The following NRXN1 variants were observed in gnomAD, a reference collection of about 807,000 sequenced individuals.
NRXN1 encodes the protein neurexin 1, also known as neurexin-1.
In NRXN1, 39 loss-of-function variants were observed where a neutral mutation model predicts 150.9. The ratio of observed to expected loss-of-function variants is 0.26; its 90% confidence interval spans 0.20 to 0.34. NRXN1 has a LOEUF of 0.34. NRXN1 is among the 10% of genes least tolerant of loss of function. The pLI is 1.00. For missense variants in NRXN1, 1,815 were observed against 1,949.9 expected, an observed-to-expected ratio of 0.93 and a Z score of 1.30; for synonymous variants, 924 against 757.0, an observed-to-expected ratio of 1.22 and a Z score of -3.62.
intron 5 of NRXN1, among the ~76,000 whole-genome samples, chr2:50,638,764 T>C (rs1010220691): frequency 6.6e-6 from 1 of 152,192 alleles, no homozygotes; most frequent in Non-Finnish European, 1.5e-5. Context: ...AAATATTTGA[T>C]ATATTTTATA....
At chr2:50,688,690 TTTG>T (rs949105703) in intron 5 of NRXN1, among the ~76,000 whole-genome samples, 4 of 152,268 alleles carry the variant, frequency 2.6e-5, no homozygotes, top group South Asian at 2.1e-4. Context: ...ATGGGCATTT[TTTG>T]TTGTTGTTTT....
At chr2:50,664,952 C>G (rs1352860562) in intron 5 of NRXN1, among the ~76,000 whole-genome samples, 1 of 151,912 alleles carries the variant, frequency 6.6e-6, no homozygotes, top group Non-Finnish European at 1.5e-5. Context: ...GGTTCTTTCA[C>G]ATGTATGCTT....
At chr2:50,757,615 T>C (rs1343572181) in intron 5 of NRXN1, among the ~76,000 whole-genome samples, 1 of 151,712 alleles carries the variant, frequency 6.6e-6, no homozygotes, top group African/African-American at 2.4e-5. Flanking sequence ...AAGTTCTCAA[T>C]AAAATACCTT....
chr2:50,481,978 C>T lies in NRXN1; in HGVS notation c.3071-9507G>A, dbSNP rs375804351. ...AGAGACGGGGTTTCACCGTTTTAGC[C>T]GGGATGGTCTCGATCTCCTGACCTC... On this transcript the variant is annotated intron_variant, in intron 15 of 22. Transcript: ENST00000401669. 7.0e-4 allele frequency among the ~76,000 whole-genome samples: 96 copies of T among 137,584 alleles called. 2 individuals carry two copies. In the South Asian group the frequency reaches 0.019, roughly 27 times the overall value. 90.3% of individuals were successfully genotyped at this position (137,584 alleles called of 152,430 possible).
At chr2:50,995,669 A>G (rs537663106) in intron 2 of NRXN1, among the ~76,000 whole-genome samples, 4 of 151,096 alleles carry the variant, frequency 2.6e-5, no homozygotes, top group African/African-American at 7.3e-5. Context: ...TGAAGATGGG[A>G]CAATCTTGGA....
intron 18 of NRXN1, among the ~76,000 whole-genome samples, chr2:50,161,529 A>G (rs1305941860): frequency 2.0e-5 from 3 of 152,196 alleles, no homozygotes; most frequent in Non-Finnish European, 4.4e-5. Flanking sequence ...TGATCTTACT[A>G]ACAGCTAAAG....
intron 2 of NRXN1, among the ~76,000 whole-genome samples, chr2:50,969,787 T>C (rs1265051098): frequency 1.3e-5 from 2 of 152,264 alleles, no homozygotes; most frequent in African/African-American, 4.8e-5. Context: ...GAAGGTTTGC[T>C]GAAAAAAATC....
intron 8 of NRXN1, chr2:50,554,271 T>C (rs978807066): frequency 2.6e-5 from 4 of 152,228 alleles, no homozygotes; most frequent in African/African-American, 9.7e-5. Context: ...TGTATCTGAT[T>C]AGCGCTATGA....
intron 5 of NRXN1, among the ~76,000 whole-genome samples, chr2:50,876,399 T>C (rs996096134): frequency 6.6e-6 from 1 of 151,796 alleles, no homozygotes; most frequent in Admixed American, 6.6e-5. Flanking sequence ...AAAAACACAA[T>C]TATTTACAAC....
At chr2:50,865,525 T>C (rs1235599785) in intron 5 of NRXN1, among the ~76,000 whole-genome samples, 1 of 151,226 alleles carries the variant, frequency 6.6e-6, no homozygotes, top group Non-Finnish European at 1.5e-5. Context: ...CAGAGTGTAT[T>C]TACCCATTGG....
intron 21 of NRXN1, among the ~76,000 whole-genome samples, chr2:49,957,996 G>A (rs1675279822): frequency 6.6e-6 from 1 of 152,098 alleles, no homozygotes; most frequent in Non-Finnish European, 1.5e-5. Flanking sequence ...ATGTCTTACT[G>A]AAATTTTAAG....
At chr2:49,991,410 T>C (rs1253789719) in intron 21 of NRXN1, among the ~76,000 whole-genome samples, 3 of 152,086 alleles carry the variant, frequency 2.0e-5, no homozygotes, top group Non-Finnish European at 4.4e-5. Flanking sequence ...ATATAAAAGT[T>C]AATCTCTTTC....
At chr2:50,124,325 C>T (rs1271566051) in intron 18 of NRXN1, among the ~76,000 whole-genome samples, 2 of 152,080 alleles carry the variant, frequency 1.3e-5, no homozygotes, top group African/African-American at 4.8e-5. Context: ...CAGGACTTGT[C>T]TTAAGCAGGG....
At chr2:50,705,595 G>A (rs1007678633) in intron 5 of NRXN1, among the ~76,000 whole-genome samples, 1 of 152,152 alleles carries the variant, frequency 6.6e-6, no homozygotes, top group Non-Finnish European at 1.5e-5. Context: ...GACCAATGCA[G>A]TTGGATTATT....
At chr2:50,660,991 G>A (rs1315698052) in intron 5 of NRXN1, among the ~76,000 whole-genome samples, 1 of 152,014 alleles carries the variant, frequency 6.6e-6, no homozygotes, top group Non-Finnish European at 1.5e-5. Context: ...TGTGTAGTAT[G>A]AAATTGTAAG....
intron 17 of NRXN1, among the ~76,000 whole-genome samples, chr2:50,305,830 G>A (rs77609201): frequency 0.013 from 1,981 of 152,300 alleles, 47 homozygotes; most frequent in African/African-American, 0.045. Flanking sequence ...GAGTTATAAA[G>A]AAGGTAAAAA....
At chr2:50,188,762 TA>T (rs1559056605) in intron 18 of NRXN1, among the ~76,000 whole-genome samples, 2 of 152,018 alleles carry the variant, frequency 1.3e-5, no homozygotes, top group South Asian at 2.1e-4. Flanking sequence ...AAACATATTT[TA>T]AAAAGCTCAT....
intron 5 of NRXN1, among the ~76,000 whole-genome samples, chr2:50,907,671 T>C (rs1683914056): frequency 6.6e-6 from 1 of 151,942 alleles, no homozygotes; most frequent in East Asian, 1.9e-4. Flanking sequence ...GTCTGAGAGA[T>C]GCAAGGTTAC....
chr2:50,727,129 A>G (rs564511634), intron 5 of NRXN1, among the ~76,000 whole-genome samples: 4 of 152,298 alleles, frequency 2.6e-5, no homozygotes, highest in Non-Finnish European at 5.9e-5. Context: ...CTATGAAGCA[A>G]GAATTATCAA....
Sources: gnomAD v4.1 joint callset for allele counts (sites outside exome capture counted in the v4.1 genomes callset) on GRCh38, gnomAD v4.1.1 for gene constraint, MANE v1.5 for transcripts, NCBI Gene and HGNC (gene_info 2026-07-23, HGNC 2026-07-21) for gene names.